The following RUSC1 variants were observed in gnomAD, a reference collection of about 807,000 sequenced individuals.
The protein encoded by RUSC1 is RUN and SH3 domain containing 1, also known as AP-4 complex accessory subunit RUSC1.
RUSC1 carries 40 observed loss-of-function variants against 72.1 expected under a neutral mutation model. The observed-to-expected ratio is 0.55, with a 90% CI of 0.43 to 0.72. The LOEUF (loss-of-function observed/expected upper bound fraction) is 0.72. RUSC1 is among the 30% of genes least tolerant of loss of function. The probability of loss-of-function intolerance (pLI) is 0.00; values close to 1 mark genes in which losing one functional copy is unlikely to be tolerated. For synonymous variants in RUSC1, 512 were observed against 494.2 expected, an observed-to-expected ratio of 1.04 and a Z score of -0.48; for missense variants, 1,092 against 1,172.3, an observed-to-expected ratio of 0.93 and a Z score of 1.00.
At chr1:155,324,762 G>A (rs1471778045) in intron 2 of RUSC1, 83 bp from the exon 3 acceptor site, 6 of 1,606,770 alleles carry the variant, frequency 3.7e-6, no homozygotes, top group South Asian at 2.2e-5. Flanking sequence ...CTGCAGACCC[G>A]CCGGAGACAA....
rs1650580932 is a variant in RUSC1, at chr1:155,321,892, C to T, written c.119C>T (p.Pro40Leu). 6.2e-7 allele frequency: 1 copy of T among 1,612,434 alleles called. No individual in the cohort carries two copies. The highest frequency in any genetic ancestry group is 1.3e-5 in the African/African-American group (1 of 75,036). Residue 40 changes from proline (P) to leucine (L), a missense_variant, in exon 2 of 10, where the codon CCC becomes CTC. By Grantham distance (98) the Pro-to-Leu change is moderately conservative. Coordinates refer to ENST00000368352, the MANE Select transcript of RUSC1 (RefSeq NM_001105203.2). ...CTACAGGAGGGGCCTTTGAGCACAC[C>T]CCCTCCTCCAGGAGACACTGGGGGC... is the stretch of plus-strand genomic sequence containing the variant. ...PELQEGPLSTPPPPGDTGGKE... is the reference protein window; with the variant it reads ...PELQEGPLSTLPPPGDTGGKE...
chr1:155,325,304 C>T lies in RUSC1; in HGVS notation c.1534-12C>T. 3 of 1,603,834 alleles carry T rather than the reference C, an allele frequency of 1.9e-6. No individual in the cohort carries two copies. The highest frequency in any genetic ancestry group is 2.5e-6 in the Non-Finnish European group (3 of 1,179,198). On this transcript the variant is annotated splice_polypyrimidine_tract_variant and intron_variant, in intron 4 of 9. Transcript: ENST00000368352. This position sits in a 1 kb window ranked among gnomAD's most constrained non-coding sequence, Gnocchi z 6.5. Reference sequence around the variant, plus strand: ...GGGATCTCTGGAGCCATCGGCATCGCGCCACCTCCAGGCCCAGTTGGGTGA... The same window carrying T: ...GGGATCTCTGGAGCCATCGGCATCGTGCCACCTCCAGGCCCAGTTGGGTGA...
intron 2 of RUSC1, chr1:155,324,192 C>G: frequency 7.1e-7 from 1 of 1,400,682 alleles, no homozygotes; most frequent in African/African-American, 1.5e-5. Context: ...CCCGACCTTG[C>G]TAGGGAGGGG....
Position 155,325,519 on chromosome 1 carries a change from G to T in RUSC1, c.1708+29G>T. Reference sequence around the variant, plus strand: ...AGCCAGGAGGGCGTGGGACCCGGCAGTGCGCAGGGCAGGGCCGGGCTTGGC... The same window carrying T: ...AGCCAGGAGGGCGTGGGACCCGGCATTGCGCAGGGCAGGGCCGGGCTTGGC... On this transcript the variant is annotated intron_variant, in intron 5 of 9. Transcript: ENST00000368352. This position sits in a 1 kb window ranked among gnomAD's most constrained non-coding sequence, Gnocchi z 6.5. 6.2e-7 allele frequency: 1 copy of T among 1,603,402 alleles called. No individual in the cohort carries two copies.
chr1:155,328,556 A>G (rs1651667049), intron 9 of RUSC1, among the ~76,000 whole-genome samples: 1 of 150,748 alleles, frequency 6.6e-6, no homozygotes, highest in Non-Finnish European at 1.5e-5. Flanking sequence ...CAGCCTACTG[A>G]GTAGCTGGGA....
In RUSC1 at chr1:155,322,010, G is replaced by A. The variant is rs760174202; in HGVS notation, c.237G>A (p.Pro79=). 3.5e-5 allele frequency: 57 copies of A among 1,607,162 alleles called. No homozygotes were observed. The highest frequency in any genetic ancestry group is 1.7e-4 in the Middle Eastern group (1 of 6,046). Residue 79 remains proline, a synonymous_variant, in exon 2 of 10, where the codon CCG becomes CCA. Transcript: ENST00000368352. ...GCCGGTGCTGCCAGGAGCACGGTCC[G>A]GGCCTAGAAAACCGGCAGGACCCGT... ...VPCRCCQEHG[P]GLENRQDPSQ...
chr1:155,326,434 A>C lies in RUSC1; in HGVS notation c.1862-146A>C, dbSNP rs1651415724. On this transcript the variant is annotated intron_variant, in intron 7 of 9. Transcript: ENST00000368352. This position sits in a 1 kb window ranked among gnomAD's most constrained non-coding sequence, Gnocchi z 4.7. ...CCATGCAGGCGGGGATGTCAGTCCT[A>C]TAGCCCACCACATCCTTCCTCCTCT... 1 of 798,490 alleles carries C rather than the reference A, an allele frequency of 1.3e-6. No individual in the cohort carries two copies. The highest frequency in any genetic ancestry group is 1.9e-6 in the Non-Finnish European group (1 of 515,564). 49.5% of individuals were successfully genotyped at this position (798,490 alleles called of 1,614,324 possible).
At chr1:155,321,493 G>T in intron 1 of RUSC1, 195 bp from the exon 2 acceptor site, 1 of 1,478,240 alleles carries the variant, frequency 6.8e-7, no homozygotes, top group Non-Finnish European at 9.1e-7. Context: ...CTCCATTCCC[G>T]GGGGGTTACA....
chr1:155,323,164 G>C, intron 2 of RUSC1, 34 bp downstream of exon 2: 1 of 1,399,808 alleles, frequency 7.1e-7, no homozygotes, highest in African/African-American at 1.5e-5. Context: ...GGAGGGCTGG[G>C]CTTCGGCCGC....
intron 2 of RUSC1, 106 bp downstream of exon 2, chr1:155,323,236 T>C (rs1427793385): frequency 7.3e-6 from 9 of 1,230,752 alleles, no homozygotes; most frequent in Non-Finnish European, 9.5e-6. Flanking sequence ...TCACCCATCC[T>C]CCCCGCCCCT....
chr1:155,328,313 A>G (rs200816524), intron 9 of RUSC1, 38 bp downstream of exon 9: 107 of 1,556,364 alleles, frequency 6.9e-5, no homozygotes, highest in Non-Finnish European at 9.0e-5. Flanking sequence ...GTGTGTAACC[A>G]TGTATGCTAT....
chr1:155,324,809 GGTAA>G (rs773180721), intron 2 of RUSC1, 32 bp from the exon 3 acceptor site: 23 of 1,614,148 alleles, frequency 1.4e-5, no homozygotes, highest in East Asian at 2.2e-5. Context: ...AATAACACTT[GGTAA>G]GTGTTACCGC....
chr1:155,326,192 C>T lies in RUSC1; in HGVS notation c.1861+282C>T, dbSNP rs1651389555. 4 of 567,792 alleles carry T rather than the reference C, an allele frequency of 7.0e-6. No individual in the cohort carries two copies. Among genetic ancestry groups the T allele is most frequent in the Non-Finnish European group, 1.3e-5 (4 of 318,424 alleles). 35.2% of individuals were successfully genotyped at this position (567,792 alleles called of 1,614,324 possible). On this transcript the variant is annotated intron_variant, in intron 7 of 9. Coordinates refer to ENST00000368352, the MANE Select transcript of RUSC1 (RefSeq NM_001105203.2). This position sits in a 1 kb window ranked among gnomAD's most constrained non-coding sequence, Gnocchi z 4.7. ...GCTCCAGGGCCCTGCTTATGCTGTT[C>T]CTCTACCTTCTGCCCCTCCTGCTTC...
chr1:155,322,043 GGAA>G lies in RUSC1; in HGVS notation c.273_275del (p.Glu92del). 1 of 1,613,290 alleles carries G rather than the reference GGAA, an allele frequency of 6.2e-7. No homozygotes were observed. ...AAAACCGGCAGGACCCGTCACAGGA[GGAA>G]GAGGGGGCTGCCTCTCCCTCAGACC... On this transcript the variant is annotated inframe_deletion, in exon 2 of 10. Coordinates refer to ENST00000368352, the MANE Select transcript of RUSC1 (RefSeq NM_001105203.2).
At position 155,320,974 on chromosome 1, in the gene RUSC1, G is replaced by C. The variant is rs756810809; in HGVS notation, c.-104G>C. 1 of 1,540,710 alleles carries C rather than the reference G, an allele frequency of 6.5e-7. No individual in the cohort carries two copies. Among genetic ancestry groups the C allele is most frequent in the Non-Finnish European group, 8.8e-7 (1 of 1,136,980 alleles). On this transcript the variant is annotated 5_prime_UTR_variant, in exon 1 of 10. Coordinates refer to ENST00000368352, the MANE Select transcript of RUSC1 (RefSeq NM_001105203.2). ...CCGCGGACAAGCCCAAGGCCGGAGC[G>C]GTTCCAGGAGGACCCTGGTGAGGAG...
Position 155,322,977 on chromosome 1 carries a change from C to G in RUSC1, c.1204C>G (p.Pro402Ala). ...CTGGGCTTTGGTCCCGCCCCGGCCC[C>G]CACCCCCGCCTGTCCCTCCCCGAAG... ...VGWALVPPRP[P>A]PPPVPPRRKK... Residue 402 changes from proline (P) to alanine (A), a missense_variant, in exon 2 of 10, where the codon CCA becomes GCA. Physicochemically the swap from Pro to Ala is conservative, Grantham distance 27. Coordinates refer to ENST00000368352, the MANE Select transcript of RUSC1 (RefSeq NM_001105203.2). 2 of 1,515,460 alleles carry G rather than the reference C, an allele frequency of 1.3e-6. No individual in the cohort carries two copies. The highest frequency in any genetic ancestry group is 1.8e-6 in the Non-Finnish European group (2 of 1,127,368). 93.9% of individuals were successfully genotyped at this position (1,515,460 alleles called of 1,614,324 possible). A position where few individuals can be genotyped will look rare whatever the true frequency, so the allele number is the denominator to read the frequency against.
In RUSC1 at chr1:155,330,730, A is replaced by G; in HGVS notation, c.*159A>G. The G allele has an allele frequency of 1.6e-6, 1 of 644,366 alleles. No homozygotes were observed. Among genetic ancestry groups the G allele is most frequent in the Non-Finnish European group, 2.5e-6 (1 of 400,934 alleles). 39.9% of individuals were successfully genotyped at this position (644,366 alleles called of 1,614,324 possible). A position where few individuals can be genotyped will look rare whatever the true frequency, so the allele number is the denominator to read the frequency against. Reference sequence around the variant, plus strand: ...AAATAAACTTTCCTTCTTCCCTCCTATACCCACCTGTAAGGTGAAATCTGC... The same window carrying G: ...AAATAAACTTTCCTTCTTCCCTCCTGTACCCACCTGTAAGGTGAAATCTGC... On this transcript the variant is annotated 3_prime_UTR_variant, in exon 10 of 10. Transcript: ENST00000368352.
intron 1 of RUSC1, chr1:155,321,232 C>T (rs1557987216): frequency 7.4e-7 from 1 of 1,358,370 alleles, no homozygotes; most frequent in Non-Finnish European, 9.8e-7. Context: ...CTTTTCCTCT[C>T]CAGCCCCCAC....
intron 2 of RUSC1, chr1:155,324,347 C>G: frequency 6.2e-7 from 1 of 1,601,718 alleles, no homozygotes; most frequent in African/African-American, 1.3e-5. Flanking sequence ...CGGCGCCTTC[C>G]AGCCTCCCAA....
Sources: gnomAD v4.1 joint callset for allele counts (sites outside exome capture counted in the v4.1 genomes callset) on GRCh38, gnomAD v4.1.1 for gene constraint, Gnocchi (gnomAD v3.1) non-coding constraint, MANE v1.5 for transcripts, NCBI Gene and HGNC (gene_info 2026-07-23, HGNC 2026-07-21) for gene names.